XIST: variants seen among roughly 807,000 people sequenced by gnomAD.
XIST encodes X inactive specific transcript (non-protein coding).
exon 1 of XIST, chrX:73,843,406 A>T (rs1230809702): frequency 1.8e-6 from 1 of 558,941 alleles, no homozygotes; most frequent in South Asian, 2.2e-5. Flanking sequence ...GATTATGAGT[A>T]GTTAACACTT....
chrX:73,848,642 G>A, exon 1 of XIST: 1 of 558,247 alleles, frequency 1.8e-6, no homozygotes, highest in Non-Finnish European at 3.2e-6. Context: ...TTCAAGAGCT[G>A]TTATTGAATA....
chrX:73,841,479 C>G (rs1569512226), exon 1 of XIST: 1 of 557,927 alleles, frequency 1.8e-6, no homozygotes, highest in East Asian at 3.2e-5. Context: ...ACATCCTTCT[C>G]CGAGAAACAA....
At position 73,827,238 on chromosome X, in the gene XIST, G is replaced by A. The variant is rs745737030; in HGVS notation, n.12663C>T. 24 of 556,427 alleles carry A rather than the reference G, an allele frequency of 4.3e-5. No homozygotes were observed. In the South Asian group the frequency reaches 4.5e-4, roughly 10 times the overall value. The allele number at this position is 556,427 out of a possible 1,213,427, so 45.9% of individuals were successfully genotyped here. ...CTCCACAATGCTTGCTCTGATAGCC[G>A]ACGTTCTGCACCTATCAGGCAGGGG... On this transcript the variant is annotated non_coding_transcript_exon_variant, in exon 6 of 6. Coordinates refer to ENST00000429829, the Ensembl canonical transcript of XIST.
exon 6 of XIST, chrX:73,822,020 G>A: frequency 1.8e-6 from 1 of 558,366 alleles, no homozygotes; most frequent in South Asian, 2.2e-5. Flanking sequence ...TATTTAGGCA[G>A]TGTATGTATG....
exon 1 of XIST, chrX:73,847,144 C>T (rs1448347051): frequency 5.4e-6 from 3 of 557,246 alleles, no homozygotes; most frequent in Non-Finnish European, 6.5e-6. Context: ...GGGTGGGGTC[C>T]TTACATGGTA....
chrX:73,825,268 C>A (rs775590591), exon 6 of XIST: 5 of 557,548 alleles, frequency 9.0e-6, no homozygotes, highest in Non-Finnish European at 1.6e-5. Context: ...GCAGCAAACA[C>A]AAATTGGCCT....
chrX:73,845,171 G>A, exon 1 of XIST: 1 of 557,158 alleles, frequency 1.8e-6, no homozygotes, highest in Non-Finnish European at 3.2e-6. Context: ...CTGTCCAAAT[G>A]TAAGGGTCTT....
chrX:73,845,244 G>A, exon 1 of XIST: 1 of 557,025 alleles, frequency 1.8e-6, no homozygotes, highest in Admixed American at 2.2e-5. Flanking sequence ...GGCAGGGGAG[G>A]CTTCCATGTC....
chrX:73,829,914 A>G (rs910370822), intron 4 of XIST, among the ~76,000 whole-genome samples: 1 of 110,689 alleles, frequency 9.0e-6, no homozygotes, highest in Non-Finnish European at 1.9e-5. Context: ...GAAAAACATA[A>G]GGTCTTCCCA....
exon 1 of XIST, chrX:73,850,115 G>A: frequency 1.8e-6 from 1 of 558,840 alleles, no homozygotes; most frequent in Non-Finnish European, 3.2e-6. Context: ...CTGGACCTGT[G>A]TAAACCTTCA....
At chrX:73,824,027 T>A (rs769126655) in exon 6 of XIST, 1 of 555,035 alleles carries the variant, frequency 1.8e-6, no homozygotes, top group Non-Finnish European at 3.3e-6. Context: ...ATAATGATAA[T>A]AAATGTTTGT....
exon 1 of XIST, chrX:73,847,057 C>T: frequency 1.8e-6 from 1 of 559,014 alleles, no homozygotes; most frequent in Non-Finnish European, 3.2e-6. Flanking sequence ...TATATAACAC[C>T]TAAGATTATG....
intron 3 of XIST, chrX:73,831,439 C>T: frequency 3.1e-6 from 1 of 322,577 alleles, no homozygotes; most frequent in South Asian, 8.9e-5. Flanking sequence ...TGGCTACCAA[C>T]TTAGCAAAAA....
chrX:73,842,364 T>C, exon 1 of XIST: 1 of 551,975 alleles, frequency 1.8e-6, no homozygotes, highest in Non-Finnish European at 3.3e-6. Flanking sequence ...AAACACAAAA[T>C]AAAGGATGGC....
exon 1 of XIST, chrX:73,850,414 A>C: frequency 1.9e-6 from 1 of 540,366 alleles, no homozygotes; most frequent in Non-Finnish European, 3.3e-6. Context: ...TATAATAGTC[A>C]CTTAAGACTT....
At chrX:73,829,681 T>C (rs1042639017) in intron 4 of XIST, among the ~76,000 whole-genome samples, 7 of 107,366 alleles carry the variant, frequency 6.5e-5, no homozygotes, top group African/African-American at 2.4e-4. Context: ...TCCCAGCTAC[T>C]TGGGAGGCTG....
intron 3 of XIST, chrX:73,831,444 CA>C (rs5902721): frequency 0.19 from 41,643 of 218,796 alleles, 630 homozygotes; most frequent in African/African-American, 0.26. Flanking sequence ...ACCAACTTAG[CA>C]AAAAAAAAAA....
chrX:73,843,216 G>A (rs777105895), exon 1 of XIST: 2 of 558,670 alleles, frequency 3.6e-6, no homozygotes, highest in Non-Finnish European at 6.5e-6. Flanking sequence ...GGGGATACTA[G>A]GGCATAATAT....
Sources: allele counts gnomAD v4.1 joint callset (sites outside exome capture counted in the v4.1 genomes callset), GRCh38; gene constraint gnomAD v4.1.1; transcripts MANE v1.5; gene names NCBI Gene and HGNC (gene_info 2026-07-23, HGNC 2026-07-21).